Variants in TOMM40L observed in about 807,000 individuals in gnomAD.
TOMM40L encodes mitochondrial import receptor subunit TOM40B.
A neutral mutation model predicts 38.3 loss-of-function variants in TOMM40L; 17 were observed. The observed-to-expected ratio is 0.44, with a 90% CI of 0.30 to 0.67. TOMM40L has a LOEUF of 0.67. Ranked by LOEUF, TOMM40L falls within the 30% of genes least tolerant of loss-of-function variation. The probability of loss-of-function intolerance (pLI) is 0.08; values close to 1 mark genes in which losing one functional copy is unlikely to be tolerated. For missense variants in TOMM40L, 294 were observed against 390.0 expected, an observed-to-expected ratio of 0.75 and a Z score of 2.07; for synonymous variants, 151 against 150.2, an observed-to-expected ratio of 1.01 and a Z score of -0.04.
rs1666522259 is a variant in TOMM40L, at chr1:161,228,328, A to G, written c.607+20A>G. 1 of 1,608,000 alleles carries G rather than the reference A, an allele frequency of 6.2e-7. No individual in the cohort carries two copies. ...ACTCGGGTATGGGGCGAAGTGAAGT[A>G]GTGGTGGTGGTGGGGGGCAATTCTG... On this transcript the variant is annotated intron_variant, in intron 7 of 9. Coordinates refer to ENST00000367988, the MANE Select transcript of TOMM40L (RefSeq NM_032174.6).
At chr1:161,228,615 T>C in intron 8 of TOMM40L, 100 bp from the exon 9 acceptor site, 1 of 1,555,502 alleles carries the variant, frequency 6.4e-7, no homozygotes, top group Non-Finnish European at 8.9e-7. Context: ...ACGCTGTGTA[T>C]ATATTTACAT....
In TOMM40L at chr1:161,226,369, C is replaced by A. The variant is rs1371436862; in HGVS notation, c.-121C>A. ...TCCTGTTCCAGGTGTAGCGTCGGAC[C>A]ATGTGGAAGTTTCTGAGGCTGGGGA... On this transcript the variant is annotated 5_prime_UTR_variant, in exon 2 of 10. Coordinates refer to ENST00000367988, the MANE Select transcript of TOMM40L (RefSeq NM_032174.6). 1.2e-5 allele frequency: 10 copies of A among 801,722 alleles called. No individual in the cohort carries two copies. Among genetic ancestry groups the A allele is most frequent in the South Asian group, 3.5e-5 (2 of 57,346 alleles). The allele number at this position is 801,722 out of a possible 1,614,324, so 49.7% of individuals were successfully genotyped here.
At chr1:161,226,980 C>A (rs763504676) in intron 3 of TOMM40L, 25 bp downstream of exon 3, 1 of 1,613,482 alleles carries the variant, frequency 6.2e-7, no homozygotes, top group East Asian at 2.2e-5. Context: ...CTGGCCCCTC[C>A]TTACTATTCC....
Position 161,227,367 on chromosome 1 carries a change from C to T in TOMM40L, c.276+17C>T, listed in dbSNP as rs779443824. The T allele has an allele frequency of 3.1e-6, 5 of 1,612,136 alleles. No individual in the cohort carries two copies. Among genetic ancestry groups the T allele is most frequent in the Non-Finnish European group, 3.4e-6 (4 of 1,178,558 alleles). ...CCCACTGAGGTGAGGGCTCCACACA[C>T]CTGGGTCATCTCCCTAAAAACCAAT... On this transcript the variant is annotated intron_variant, in intron 4 of 9. Coordinates refer to ENST00000367988, the MANE Select transcript of TOMM40L (RefSeq NM_032174.6).
At position 161,230,253 on chromosome 1, in the gene TOMM40L, T is replaced by C. The variant is rs1027816430; in HGVS notation, c.*1158T>C. ...GCCTTCTAGAGCAGGTTCTAGAAGG[T>C]GGATGTGTTCTATGGTATAAAGCAT... is the stretch of plus-strand genomic sequence containing the variant. On this transcript the variant is annotated 3_prime_UTR_variant, in exon 10 of 10. Coordinates refer to ENST00000367988, the MANE Select transcript of TOMM40L (RefSeq NM_032174.6). 2.1e-5 allele frequency: 8 copies of C among 372,844 alleles called. No homozygotes were observed. The highest frequency in any genetic ancestry group is 3.5e-5 in the Non-Finnish European group (7 of 202,198). The allele number at this position is 372,844 out of a possible 1,614,324, so 23.1% of individuals were successfully genotyped here.
rs1282218982 is a variant in TOMM40L, at chr1:161,227,127, C to T, written c.184-131C>T. 4 of 1,165,278 alleles carry T rather than the reference C, an allele frequency of 3.4e-6. No individual in the cohort carries two copies. The South Asian group carries it at 4.1e-5, about 12-fold the overall frequency. 72.2% of individuals were successfully genotyped at this position (1,165,278 alleles called of 1,614,324 possible). A position where few individuals can be genotyped will look rare whatever the true frequency, so the allele number is the denominator to read the frequency against. On this transcript the variant is annotated intron_variant, in intron 3 of 9. Coordinates refer to ENST00000367988, the MANE Select transcript of TOMM40L (RefSeq NM_032174.6). ...GGACTTGTTGCTTTTAATCCGATGA[C>T]CTTCTCTGTATATGTTGGAATATTT...
Position 161,230,039 on chromosome 1 carries a change from A to G in TOMM40L, c.*944A>G. On this transcript the variant is annotated 3_prime_UTR_variant, in exon 10 of 10. Coordinates refer to ENST00000367988, the MANE Select transcript of TOMM40L (RefSeq NM_032174.6). ...TATTCCTCAGTGAAGCCAGGTCTGA[A>G]CATTAGAGAAAATCATGCTCTGGTA... 1 of 1,289,856 alleles carries G rather than the reference A, an allele frequency of 7.8e-7. No individual in the cohort carries two copies. The allele number at this position is 1,289,856 out of a possible 1,614,324, so 79.9% of individuals were successfully genotyped here. A position where few individuals can be genotyped will look rare whatever the true frequency, so the allele number is the denominator to read the frequency against.
rs376510791 is a variant in TOMM40L, at chr1:161,229,790, C to A, written c.*695C>A. The A allele has an allele frequency of 2.9e-4, 474 of 1,614,210 alleles. No homozygotes were observed. The highest frequency in any genetic ancestry group is 6.6e-4 in the Middle Eastern group (4 of 6,060). ...CAGGTGAGCTGGGGAAGGAAGTGAG[C>A]ATGGCCTCAGCTGCAGATCTCCTGG... On this transcript the variant is annotated 3_prime_UTR_variant, in exon 10 of 10. Coordinates refer to ENST00000367988, the MANE Select transcript of TOMM40L (RefSeq NM_032174.6).
In TOMM40L at chr1:161,230,420, A is replaced by C; in HGVS notation, c.*1325A>C. ...GTGAATGGCCCTAACTTCAAGGGAA[A>C]TGAGAAATCGAAGGAATTGGCCCAA... is the stretch of plus-strand genomic sequence containing the variant. On this transcript the variant is annotated 3_prime_UTR_variant, in exon 10 of 10. Coordinates refer to ENST00000367988, the MANE Select transcript of TOMM40L (RefSeq NM_032174.6). 1 of 390,662 alleles carries C rather than the reference A, an allele frequency of 2.6e-6. No homozygotes were observed. The highest frequency in any genetic ancestry group is 4.6e-6 in the Non-Finnish European group (1 of 218,642). The allele number at this position is 390,662 out of a possible 1,614,324, so 24.2% of individuals were successfully genotyped here.
chr1:161,228,118 T>G, intron 6 of TOMM40L, 68 bp from the exon 7 acceptor site: 1 of 1,579,672 alleles, frequency 6.3e-7, no homozygotes, highest in East Asian at 2.2e-5. Flanking sequence ...TGGCGGTTAT[T>G]GGGAGTGAGG....
rs761489741 is a variant in TOMM40L, at chr1:161,228,338, GT to G, written c.607+31del. 99 of 1,608,770 alleles carry G rather than the reference GT, an allele frequency of 6.2e-5. No homozygotes were observed. The Middle Eastern group carries it at 6.6e-4, about 11-fold the overall frequency. On this transcript the variant is annotated intron_variant, in intron 7 of 9. Coordinates refer to ENST00000367988, the MANE Select transcript of TOMM40L (RefSeq NM_032174.6). ...GGGGCGAAGTGAAGTAGTGGTGGTG[GT>G]GGGGGGCAATTCTGGACTTTTCTGG...
Position 161,229,654 on chromosome 1 carries a change from A to C in TOMM40L, c.*559A>C. ...TCACCCCCACTATCCCCATGACCGC[A>C]TGAAGAGGCAGTTATTGCTTTAGTC... On this transcript the variant is annotated 3_prime_UTR_variant, in exon 10 of 10. Transcript: ENST00000367988. 2 of 1,613,544 alleles carry C rather than the reference A, an allele frequency of 1.2e-6. No homozygotes were observed. Among genetic ancestry groups the C allele is most frequent in the Non-Finnish European group, 1.7e-6 (2 of 1,179,888 alleles).
Position 161,229,264 on chromosome 1 carries a change from C to A in TOMM40L, c.*169C>A. 1 of 920,486 alleles carries A rather than the reference C, an allele frequency of 1.1e-6. No individual in the cohort carries two copies. The highest frequency in any genetic ancestry group is 1.6e-6 in the Non-Finnish European group (1 of 621,722). The allele number at this position is 920,486 out of a possible 1,614,324, so 57.0% of individuals were successfully genotyped here. On this transcript the variant is annotated 3_prime_UTR_variant, in exon 10 of 10. Transcript: ENST00000367988. The stretch of plus-strand genomic sequence containing the variant: ...CTCAGAACTGGAGCTGCCACAGGGG[C>A]AGTTGATGAGGCAGAGGTTTGAGGA...
chr1:161,226,622 G>C lies in TOMM40L; in HGVS notation c.115+18G>C. On this transcript the variant is annotated intron_variant, in intron 2 of 9. Transcript: ENST00000367988. Reference sequence around the variant, plus strand: ...ATGCAAAGGTGAGAACTTGGCACTTGGGTGTCTCAGGATGAAGGGGCAGAG... The same window carrying C: ...ATGCAAAGGTGAGAACTTGGCACTTCGGTGTCTCAGGATGAAGGGGCAGAG... The C allele has an allele frequency of 6.2e-7, 1 of 1,608,894 alleles. No homozygotes were observed. The highest frequency in any genetic ancestry group is 8.5e-7 in the Non-Finnish European group (1 of 1,176,130).
At chr1:161,227,073 G>A (rs1191516841) in intron 3 of TOMM40L, 118 bp downstream of exon 3, 1 of 1,341,250 alleles carries the variant, frequency 7.5e-7, no homozygotes, top group Non-Finnish European at 1.1e-6. Context: ...GAGGGAGGAT[G>A]TGGGGTTCTC....
rs979337048 is a variant in TOMM40L, at chr1:161,227,907, A to G, written c.402A>G (p.Thr134=). 3.9e-5 allele frequency: 63 copies of G among 1,613,996 alleles called. No individual in the cohort carries two copies. The highest frequency in any genetic ancestry group is 5.2e-5 in the Non-Finnish European group (61 of 1,180,008). The change falls in exon 6 of 10, where the codon ACA becomes ACG. Residue 134 remains threonine, a synonymous_variant. Coordinates refer to ENST00000367988, the MANE Select transcript of TOMM40L (RefSeq NM_032174.6). The part of the protein sequence containing the change: ...VFQTQQAKFL[T]WQFDGEYRGD... ...AGACGCAGCAGGCCAAGTTCCTGAC[A>G]TGGCAGTTTGATGGCGAGTATCGGG...
At chr1:161,227,098 T>A in intron 3 of TOMM40L, 143 bp downstream of exon 3, 1 of 1,193,830 alleles carries the variant, frequency 8.4e-7, no homozygotes, top group Non-Finnish European at 1.2e-6. Context: ...CCTCCGTGCC[T>A]GTGGGACTTG....
rs1666635009 is a variant in TOMM40L, at chr1:161,229,590, C to T, written c.*495C>T. ...CTTAGCCCTGAGGTTTCCTCCTTCCCATCTTCTGTGCTTCCAGAGAACAAC... is the reference window on the plus strand; with the variant it reads ...CTTAGCCCTGAGGTTTCCTCCTTCCTATCTTCTGTGCTTCCAGAGAACAAC... On this transcript the variant is annotated 3_prime_UTR_variant, in exon 10 of 10. Transcript: ENST00000367988. The T allele has an allele frequency of 6.4e-7, 1 of 1,560,156 alleles. No individual in the cohort carries two copies.
At chr1:161,228,111 C>A in intron 6 of TOMM40L, 75 bp from the exon 7 acceptor site, 1 of 1,579,948 alleles carries the variant, frequency 6.3e-7, no homozygotes, top group Non-Finnish European at 8.6e-7. Flanking sequence ...GCTGGGGTGG[C>A]GGTTATTGGG....
Sources: gnomAD v4.1 joint callset for allele counts on GRCh38, gnomAD v4.1.1 for gene constraint, MANE v1.5 for transcripts, NCBI Gene and HGNC (gene_info 2026-07-23, HGNC 2026-07-21) for gene names.